TRPM3: variants seen among roughly 807,000 people sequenced by gnomAD.
The protein encoded by TRPM3 is long transient receptor potential channel 3.
Under a neutral mutation model 181.2 loss-of-function variants are expected in TRPM3, and 77 were observed. The observed-to-expected ratio is 0.42, with a 90% CI of 0.35 to 0.51. TRPM3 has a LOEUF of 0.51. Ranked by LOEUF, TRPM3 falls within the 20% of genes least tolerant of loss-of-function variation. TRPM3 has a pLI of 0.01. For missense variants in TRPM3, 1,759 were observed against 2,196.7 expected (o/e 0.80, Z 3.98); for synonymous variants, 745 against 796.4 (o/e 0.94, Z 1.09).
chr9:71,200,183 TTGAG>T (rs1490960544), intron 1 of TRPM3, among the ~76,000 whole-genome samples: 1 of 152,106 alleles, frequency 6.6e-6, no homozygotes, highest in Non-Finnish European at 1.5e-5. Context: ...TTGAGTGGTT[TTGAG>T]TGAGTTTCTT....
intron 22 of TRPM3, among the ~76,000 whole-genome samples, chr9:70,570,656 AT>A (rs1231182580): frequency 1.3e-5 from 2 of 152,036 alleles, no homozygotes; most frequent in East Asian, 1.9e-4. Flanking sequence ...AATATTCACT[AT>A]TTTTTTCTCT....
At chr9:71,119,006 G>A (rs1246679694) in intron 1 of TRPM3, among the ~76,000 whole-genome samples, 1 of 152,082 alleles carries the variant, frequency 6.6e-6, no homozygotes, top group African/African-American at 2.4e-5. Context: ...GGAATCCATA[G>A]GAGAAACATA....
intron 1 of TRPM3, among the ~76,000 whole-genome samples, chr9:70,957,267 A>T (rs1205536213): frequency 6.6e-6 from 1 of 151,890 alleles, no homozygotes; most frequent in Non-Finnish European, 1.5e-5. Context: ...CCTGGCCAAC[A>T]TTTTATTTTT....
intron 3 of TRPM3, 100 bp from the exon 4 acceptor site, chr9:70,846,691 A>C: frequency 3.2e-6 from 3 of 951,280 alleles, no homozygotes; most frequent in Non-Finnish European, 3.2e-6. Context: ...TGTGACAAAA[A>C]CGTCTCATAT....
chr9:70,779,022 T>G (rs2081993439), intron 7 of TRPM3, among the ~76,000 whole-genome samples: 1 of 151,524 alleles, frequency 6.6e-6, no homozygotes, highest in African/African-American at 2.4e-5. Flanking sequence ...CATACAACAT[T>G]TTTTTTTTCA....
intron 1 of TRPM3, among the ~76,000 whole-genome samples, chr9:71,054,726 T>A (rs2060464395): frequency 6.6e-6 from 1 of 152,108 alleles, no homozygotes; most frequent in African/African-American, 2.4e-5. Context: ...GAAGATGCTT[T>A]GGATAAACCT....
chr9:70,612,237 T>TTAA (rs1194002743), intron 18 of TRPM3, among the ~76,000 whole-genome samples: 1 of 152,200 alleles, frequency 6.6e-6, no homozygotes, highest in Non-Finnish European at 1.5e-5. Flanking sequence ...TTTCTTGACT[T>TTAA]TAATTCTTCA....
chr9:71,400,094 T>C (rs2093307288), intron 1 of TRPM3, among the ~76,000 whole-genome samples: 1 of 152,174 alleles, frequency 6.6e-6, no homozygotes, highest in Admixed American at 6.6e-5. Context: ...TCCTGCTCAA[T>C]GCCTCTCGGT....
intron 1 of TRPM3, among the ~76,000 whole-genome samples, chr9:71,233,191 A>C (rs1269552955): frequency 6.6e-6 from 1 of 152,192 alleles, no homozygotes; most frequent in Non-Finnish European, 1.5e-5. Flanking sequence ...GATAAGAAAT[A>C]ATGTCCTTTT....
intron 17 of TRPM3, 30 bp downstream of exon 17, chr9:70,618,828 GGTCCTCATA>G: frequency 6.4e-7 from 1 of 1,569,516 alleles, no homozygotes; most frequent in Non-Finnish European, 8.7e-7. Context: ...CCCACCCGCC[GGTCCTCATA>G]GCCAGGAGGG....
At chr9:70,593,015 C>T (rs1159155106) in intron 21 of TRPM3, among the ~76,000 whole-genome samples, 1 of 152,160 alleles carries the variant, frequency 6.6e-6, no homozygotes, top group African/African-American at 2.4e-5. Flanking sequence ...CAGGTATGAG[C>T]CACTGTGCCC....
At chr9:70,579,192 C>T (rs1429268316) in intron 22 of TRPM3, 1 of 152,378 alleles carries the variant, frequency 6.6e-6, no homozygotes, top group Non-Finnish European at 1.5e-5. Flanking sequence ...GTTGCCCAGG[C>T]TGGAGTGCAG....
intron 1 of TRPM3, among the ~76,000 whole-genome samples, chr9:71,020,505 T>C (rs1173292187): frequency 1.3e-5 from 2 of 150,636 alleles, no homozygotes; most frequent in East Asian, 3.9e-4. Flanking sequence ...TCTGCTCACC[T>C]AGACAGTTTT....
chr9:71,122,184 G>T (rs1020256191), upstream of TRPM3, among the ~76,000 whole-genome samples: 2 of 152,214 alleles, frequency 1.3e-5, no homozygotes, highest in Admixed American at 1.3e-4. Context: ...CCCATAAAGT[G>T]CCACATGGGA....
At chr9:71,181,226 T>C (rs898700610) in intron 1 of TRPM3, among the ~76,000 whole-genome samples, 4 of 152,118 alleles carry the variant, frequency 2.6e-5, no homozygotes, top group African/African-American at 9.7e-5. Flanking sequence ...TTTTAAATTG[T>C]ATGGAAACTG....
intron 1 of TRPM3, among the ~76,000 whole-genome samples, chr9:71,346,848 A>C (rs1009897975): frequency 2.0e-5 from 3 of 151,234 alleles, no homozygotes; most frequent in Non-Finnish European, 4.4e-5. Flanking sequence ...TGGGATGGGG[A>C]GTGAGGATCA....
At chr9:70,935,863 C>T (rs2096824612) in intron 1 of TRPM3, among the ~76,000 whole-genome samples, 1 of 152,154 alleles carries the variant, frequency 6.6e-6, no homozygotes, top group African/African-American at 2.4e-5. Flanking sequence ...AATCAGTTAC[C>T]AATTCCCAAA....
chr9:70,743,860 AATTG>A (rs1293683448), intron 8 of TRPM3, among the ~76,000 whole-genome samples: 1 of 152,152 alleles, frequency 6.6e-6, no homozygotes, highest in East Asian at 1.9e-4. Flanking sequence ...ATTTTTATTT[AATTG>A]ATTGTATTAC....
At chr9:71,226,474 GGGAT>G (rs2080665062) in intron 1 of TRPM3, among the ~76,000 whole-genome samples, 1 of 151,954 alleles carries the variant, frequency 6.6e-6, no homozygotes, top group Admixed American at 6.6e-5. Context: ...CTGAAAAAAA[GGGAT>G]GGAAGAAGAT....
Sources: gnomAD v4.1 joint callset for allele counts (sites outside exome capture counted in the v4.1 genomes callset) on GRCh38, gnomAD v4.1.1 for gene constraint, MANE v1.5 for transcripts, NCBI Gene and HGNC (gene_info 2026-07-23, HGNC 2026-07-21) for gene names.